The following SULF2 variants were observed in gnomAD, a reference collection of about 807,000 sequenced individuals.
SULF2 encodes the protein extracellular sulfatase Sulf-2.
SULF2 carries 52 observed loss-of-function variants against 107.7 expected under a neutral mutation model. That is an observed-to-expected ratio of 0.48 (90% CI 0.39 to 0.61). The LOEUF is 0.61. Among genes scored for constraint, SULF2 ranks in the 20% least tolerant of loss-of-function variants. The probability of loss-of-function intolerance (pLI) is 0.00; values close to 1 mark genes in which losing one functional copy is unlikely to be tolerated. For missense variants in SULF2, 993 were observed against 1,177.3 expected, an observed-to-expected ratio of 0.84 and a Z score of 2.29; for synonymous variants, 460 against 464.3, an observed-to-expected ratio of 0.99 and a Z score of 0.12.
At chr20:47,675,770 C>G (rs1023234210) in intron 10 of SULF2, among the ~76,000 whole-genome samples, 50 of 143,400 alleles carry the variant, frequency 3.5e-4, no homozygotes, top group Non-Finnish European at 6.6e-4. Flanking sequence ...CCCTCCTCTC[C>G]AAGCCTGCCC....
At chr20:47,710,284 C>T (rs995333422) in intron 3 of SULF2, among the ~76,000 whole-genome samples, 3 of 151,954 alleles carry the variant, frequency 2.0e-5, no homozygotes, top group African/African-American at 7.3e-5. Flanking sequence ...GTGATCCTCC[C>T]GCCTTGGCCT....
chr20:47,751,149 G>C (rs1944871479), intron 2 of SULF2, among the ~76,000 whole-genome samples: 2 of 152,196 alleles, frequency 1.3e-5, no homozygotes, highest in African/African-American at 4.8e-5. Context: ...AGGTGCTCAG[G>C]AAACACCTGC....
At chr20:47,683,674 G>A (rs984460588) in intron 6 of SULF2, among the ~76,000 whole-genome samples, 1 of 152,222 alleles carries the variant, frequency 6.6e-6, no homozygotes, top group African/African-American at 2.4e-5. Context: ...CCAGCCACAC[G>A]AACCTACTGA....
At chr20:47,674,420 T>TC (rs1247434151) in intron 10 of SULF2, among the ~76,000 whole-genome samples, 1 of 152,242 alleles carries the variant, frequency 6.6e-6, no homozygotes, top group African/African-American at 2.4e-5. Flanking sequence ...GCCCTGGGCC[T>TC]CAGTTTCCCC....
chr20:47,704,299 G>A (rs2088659820), intron 3 of SULF2, among the ~76,000 whole-genome samples: 2 of 151,012 alleles, frequency 1.3e-5, no homozygotes, highest in Middle Eastern at 6.8e-3. Flanking sequence ...TTTGAGACAC[G>A]TCACACTCTG....
At position 47,751,618 on chromosome 20, in the gene SULF2, T is replaced by C. The variant is rs1021642893; in HGVS notation, c.175+5571A>G. Reference sequence around the variant, plus strand: ...TGGAGGAAAGCTGAGGTCAGGGAGATGGAGGGACAGAGGCCACCCAGAGAC... The same window carrying C: ...TGGAGGAAAGCTGAGGTCAGGGAGACGGAGGGACAGAGGCCACCCAGAGAC... On this transcript the variant is annotated intron_variant, in intron 2 of 20. Coordinates refer to ENST00000688720, the MANE Select transcript of SULF2 (RefSeq NM_001387048.1). Among the ~76,000 whole-genome samples, 3 of 152,144 alleles carry C rather than the reference T, an allele frequency of 2.0e-5. No homozygotes were observed. In the East Asian group the frequency reaches 5.8e-4, roughly 29 times the overall value.
chr20:47,690,097 C>A, intron 5 of SULF2, 29 bp downstream of exon 5: 2 of 1,386,678 alleles, frequency 1.4e-6, no homozygotes, highest in African/African-American at 2.9e-5. Context: ...CTAAGCAGTG[C>A]CTCTGGCAGG....
intron 2 of SULF2, among the ~76,000 whole-genome samples, 190 bp from the exon 3 acceptor site, chr20:47,737,132 G>A (rs1042084850): frequency 2.0e-5 from 3 of 152,126 alleles, no homozygotes; most frequent in Non-Finnish European, 2.9e-5. Context: ...CCTGGGTCCC[G>A]AGTCCACCTG....
At chr20:47,781,206 C>G (rs2090827733) in intron 1 of SULF2, among the ~76,000 whole-genome samples, 1 of 152,268 alleles carries the variant, frequency 6.6e-6, no homozygotes, top group Non-Finnish European at 1.5e-5. Flanking sequence ...AGAGGCATTG[C>G]CCAGGCAGCG....
chr20:47,709,373 G>A (rs1024060063), intron 3 of SULF2, among the ~76,000 whole-genome samples: 1 of 152,206 alleles, frequency 6.6e-6, no homozygotes, highest in African/African-American at 2.4e-5. Context: ...GGGCAGCAGG[G>A]CTGGCATCTG....
In SULF2 at chr20:47,694,307, G is replaced by A. The variant is rs1406472560; in HGVS notation, c.568-4012C>T. 6.6e-6 allele frequency among the ~76,000 whole-genome samples: 1 copy of A among 152,192 alleles called. No homozygotes were observed. The highest frequency in any genetic ancestry group is 2.4e-5 in the African/African-American group (1 of 41,452). On this transcript the variant is annotated intron_variant, in intron 4 of 20. Coordinates refer to ENST00000688720, the MANE Select transcript of SULF2 (RefSeq NM_001387048.1). This position sits in a 1 kb window ranked among gnomAD's most constrained non-coding sequence, Gnocchi z 4.4. ...GGTGGATGTGGGGTGCGGGAGGGGCGGGTGACCCCCACCCCTGTTGGTCTC... is the reference window on the plus strand; with the variant it reads ...GGTGGATGTGGGGTGCGGGAGGGGCAGGTGACCCCCACCCCTGTTGGTCTC...
intron 5 of SULF2, chr20:47,689,759 T>C (rs1489002450): frequency 5.9e-6 from 1 of 169,270 alleles, no homozygotes; most frequent in Non-Finnish European, 1.3e-5. Context: ...GCTCAATAAA[T>C]GGTGGCAAAT....
intron 3 of SULF2, among the ~76,000 whole-genome samples, chr20:47,711,902 CAT>C (rs1407575146): frequency 2.6e-4 from 40 of 152,208 alleles, no homozygotes; most frequent in African/African-American, 7.7e-4. Context: ...TAAAAATACA[CAT>C]ATGCATTAAT....
intron 5 of SULF2, among the ~76,000 whole-genome samples, chr20:47,688,039 G>A (rs1198051043): frequency 3.9e-5 from 6 of 152,102 alleles, no homozygotes; most frequent in Non-Finnish European, 8.8e-5. Flanking sequence ...GGGTGCATGG[G>A]GAGGGTGCAG....
At chr20:47,700,441 T>A (rs1053848643) in intron 4 of SULF2, among the ~76,000 whole-genome samples, 1 of 152,184 alleles carries the variant, frequency 6.6e-6, no homozygotes, top group African/African-American at 2.4e-5. Context: ...ACTGAGTATT[T>A]ACTACGTGCA....
chr20:47,677,309 T>C (rs2087676645), intron 8 of SULF2, among the ~76,000 whole-genome samples, 175 bp from the exon 9 acceptor site: 1 of 151,750 alleles, frequency 6.6e-6, no homozygotes, highest in African/African-American at 2.4e-5. Flanking sequence ...CTCCTCTGAG[T>C]TGAGCCACCC....
chr20:47,695,747 G>C (rs954897096), intron 4 of SULF2, among the ~76,000 whole-genome samples: 9 of 152,120 alleles, frequency 5.9e-5, no homozygotes, highest in African/African-American at 9.7e-5. Flanking sequence ...CCAAGTAGCT[G>C]GACTACAGGC....
intron 4 of SULF2, among the ~76,000 whole-genome samples, chr20:47,700,215 A>C (rs887653265): frequency 1.3e-5 from 2 of 152,226 alleles, no homozygotes; most frequent in African/African-American, 4.8e-5. Flanking sequence ...GCCAGGGGTC[A>C]GCAAACTACA....
chr20:47,740,000 C>T (rs1002381432), intron 2 of SULF2, among the ~76,000 whole-genome samples: 7 of 152,292 alleles, frequency 4.6e-5, no homozygotes, highest in East Asian at 3.9e-4. Flanking sequence ...ATTACCTGCC[C>T]GACCCCTGAA....
Sources: allele counts gnomAD v4.1 joint callset (sites outside exome capture counted in the v4.1 genomes callset), GRCh38; gene constraint gnomAD v4.1.1; non-coding constraint Gnocchi (gnomAD v3.1); transcripts MANE v1.5; gene names NCBI Gene and HGNC (gene_info 2026-07-23, HGNC 2026-07-21).